The following SUMF1 variants were observed in gnomAD, a reference collection of about 807,000 sequenced individuals.
SUMF1 encodes sulfatase modifying factor 1.
A neutral mutation model predicts 47.6 loss-of-function variants in SUMF1; 48 were observed. The ratio of observed to expected loss-of-function variants is 1.01; its 90% CI spans 0.80 to 1.28. The LOEUF (loss-of-function observed/expected upper bound fraction) is 1.28. Among genes scored for constraint, SUMF1 ranks in the 50% most tolerant of loss-of-function variants. SUMF1 has a pLI of 0.00. For synonymous variants in SUMF1, 230 were observed against 192.1 expected, an observed-to-expected ratio of 1.20 and a Z score of -1.63; for missense variants, 571 against 485.4, an observed-to-expected ratio of 1.18 and a Z score of -1.66.
At chr3:4,325,527 G>A (rs1056214998) in intron 8 of SUMF1, among the ~76,000 whole-genome samples, 5 of 150,970 alleles carry the variant, frequency 3.3e-5, no homozygotes, top group African/African-American at 1.2e-4. Flanking sequence ...ATATATGTAT[G>A]TGTGTGTGTG....
At chr3:4,046,259 C>G (rs998975346) in intron 9 of SUMF1, among the ~76,000 whole-genome samples, 5 of 152,106 alleles carry the variant, frequency 3.3e-5, no homozygotes, top group Non-Finnish European at 5.9e-5. Flanking sequence ...TTGAATGACT[C>G]TTAGGTTGAG....
intron 9 of SUMF1, among the ~76,000 whole-genome samples, chr3:4,056,828 A>G (rs950597450): frequency 6.6e-6 from 1 of 151,492 alleles, no homozygotes; most frequent in Non-Finnish European, 1.5e-5. Context: ...TGCAAGCTCT[A>G]CCTCCCAGGT....
intron 8 of SUMF1, among the ~76,000 whole-genome samples, chr3:4,149,806 G>A (rs1694277477): frequency 6.6e-6 from 1 of 152,094 alleles, no homozygotes; most frequent in Non-Finnish European, 1.5e-5. Context: ...GGTGCCTAGA[G>A]GTAAAGCAGA....
chr3:4,071,301 C>T (rs1695518330), intron 8 of SUMF1, among the ~76,000 whole-genome samples: 1 of 152,084 alleles, frequency 6.6e-6, no homozygotes, highest in African/African-American at 2.4e-5. Context: ...ACTGGATGGA[C>T]AGTGGGTGCA....
chr3:4,316,311 A>G, intron 8 of SUMF1: 1 of 1,151,868 alleles, frequency 8.7e-7, no homozygotes, highest in Non-Finnish European at 1.3e-6. Flanking sequence ...CAACATCAAC[A>G]ATGCATTTGG....
chr3:4,123,833 G>GCAGAGGAGAGTAGGGCT (rs1326057111), intron 8 of SUMF1, among the ~76,000 whole-genome samples: 1 of 152,072 alleles, frequency 6.6e-6, no homozygotes, highest in Non-Finnish European at 1.5e-5. Flanking sequence ...ATATATGGGG[G>GCAGAGGAGAGTAGGGCT]CAGAGGAGAG....
chr3:4,222,294 G>A (rs1337380612), intron 8 of SUMF1, among the ~76,000 whole-genome samples: 1 of 151,980 alleles, frequency 6.6e-6, no homozygotes. Context: ...CCTTTGGCCA[G>A]CACCATACTG....
intron 8 of SUMF1, among the ~76,000 whole-genome samples, chr3:4,112,369 T>G (rs1182939607): frequency 6.6e-6 from 1 of 152,162 alleles, no homozygotes; most frequent in Non-Finnish European, 1.5e-5. Context: ...TACCTTAGCA[T>G]TACTTAGTGT....
intron 9 of SUMF1, among the ~76,000 whole-genome samples, chr3:4,064,230 A>G (rs811254): frequency 0.98 from 148,393 of 152,148 alleles, 72,457 homozygotes; most frequent in Middle Eastern, 1. Context: ...AAAAAAGCTG[A>G]CCAAAACTCA....
At chr3:4,218,475 T>C (rs562146000) in intron 8 of SUMF1, among the ~76,000 whole-genome samples, 1 of 133,820 alleles carries the variant, frequency 7.5e-6, no homozygotes, top group African/African-American at 2.5e-5. Context: ...ACAAGCAGTA[T>C]AAGGAAGAAT....
At chr3:4,153,176 A>G (rs1694376662) in intron 8 of SUMF1, among the ~76,000 whole-genome samples, 1 of 151,550 alleles carries the variant, frequency 6.6e-6, no homozygotes, top group Admixed American at 6.6e-5. Flanking sequence ...TAAAAAATTG[A>G]GCAGAAACAT....
intron 1 of SUMF1, among the ~76,000 whole-genome samples, chr3:4,456,367 A>C (rs974078366): frequency 6.6e-6 from 1 of 152,078 alleles, no homozygotes; most frequent in African/African-American, 2.4e-5. Context: ...AGACAGAGCA[A>C]TTAGGCAAGA....
intron 8 of SUMF1, among the ~76,000 whole-genome samples, chr3:4,320,007 A>G (rs1698791067): frequency 6.6e-6 from 1 of 152,200 alleles, no homozygotes; most frequent in African/African-American, 2.4e-5. Context: ...AGAGGGAGGA[A>G]TGAATAGGTG....
chr3:4,075,433 A>G (rs900969643), intron 8 of SUMF1, among the ~76,000 whole-genome samples: 7 of 152,294 alleles, frequency 4.6e-5, no homozygotes, highest in South Asian at 2.1e-4. Context: ...CTGGCACAAG[A>G]CAAAGATGCC....
At chr3:4,116,760 C>G (rs1693432283) in intron 8 of SUMF1, among the ~76,000 whole-genome samples, 1 of 152,060 alleles carries the variant, frequency 6.6e-6, no homozygotes, top group Non-Finnish European at 1.5e-5. Context: ...AAAATAAGTA[C>G]TAAACAACTA....
intron 8 of SUMF1, among the ~76,000 whole-genome samples, chr3:4,284,808 G>A (rs896385447): frequency 2.6e-5 from 4 of 152,080 alleles, no homozygotes; most frequent in Non-Finnish European, 4.4e-5. Flanking sequence ...TATCTGTGGT[G>A]CTTGTAAATG....
intron 7 of SUMF1, among the ~76,000 whole-genome samples, chr3:4,392,812 C>T (rs1230953682): frequency 1.3e-5 from 2 of 151,714 alleles, no homozygotes; most frequent in Non-Finnish European, 2.9e-5. Context: ...TGGTCTGTAC[C>T]CACTGATGTC....
chr3:4,156,220 A>G (rs1433373396), intron 8 of SUMF1, among the ~76,000 whole-genome samples: 1 of 151,476 alleles, frequency 6.6e-6, no homozygotes, highest in Non-Finnish European at 1.5e-5. Flanking sequence ...AAATTTGACA[A>G]ATGAAAAACA....
In SUMF1 at chr3:4,156,518, A is replaced by G. The variant is rs1039226931; in HGVS notation, c.1015-87773T>C. Among the ~76,000 whole-genome samples, 62 of 151,764 alleles carry G rather than the reference A, an allele frequency of 4.1e-4. 3 individuals are homozygous for G. The highest frequency in any genetic ancestry group is 1.4e-3 in the African/African-American group (59 of 41,048). ...AACTGGAACAGAAAGGCATCTATCA[A>G]TAATTGGTTTTATTCAAACAGAAGT... On this transcript the variant is annotated intron_variant and NMD_transcript_variant, in intron 8 of 12. Coordinates refer to the SUMF1 transcript ENST00000448413.
Sources: allele counts gnomAD v4.1 joint callset (sites outside exome capture counted in the v4.1 genomes callset), GRCh38; gene constraint gnomAD v4.1.1; transcripts MANE v1.5; gene names NCBI Gene and HGNC (gene_info 2026-07-23, HGNC 2026-07-21).